The following CCDC7 variants were observed in gnomAD, a reference collection of about 807,000 sequenced individuals.
The protein encoded by CCDC7 is coiled-coil domain-containing protein 7.
CCDC7 carries 183 observed loss-of-function variants against 196.9 expected under a neutral mutation model. The ratio of observed to expected loss-of-function variants is 0.93; its 90% CI spans 0.82 to 1.05. CCDC7 has a LOEUF of 1.05. CCDC7 is among the 50% of genes least tolerant of loss of function. The pLI, the probability that CCDC7 is intolerant of heterozygous loss-of-function variation, is 0.00. For missense variants in CCDC7, 1,540 were observed against 1,482.2 expected (o/e 1.04, Z -0.64); for synonymous variants, 525 against 484.6 (o/e 1.08, Z -1.10).
At chr10:32,813,240 C>T (rs2087579429) in intron 30 of CCDC7, among the ~76,000 whole-genome samples, 1 of 152,168 alleles carries the variant, frequency 6.6e-6, no homozygotes, top group African/African-American at 2.4e-5. Context: ...GTCACCAATC[C>T]TCATTATCCC....
chr10:32,802,026 T>A (rs1045597236), intron 29 of CCDC7, among the ~76,000 whole-genome samples: 1 of 152,236 alleles, frequency 6.6e-6, no homozygotes, highest in Non-Finnish European at 1.5e-5. Flanking sequence ...AGGTTGTGCA[T>A]GCATCTTTTG....
chr10:32,526,255 C>A (rs983187161), intron 11 of CCDC7, among the ~76,000 whole-genome samples: 10 of 152,148 alleles, frequency 6.6e-5, no homozygotes, highest in Non-Finnish European at 1.5e-4. Flanking sequence ...AGCTCATGGT[C>A]TCTTCCTTCA....
Position 32,797,582 on chromosome 10 carries a change from G to GCTGAT in CCDC7, c.3014-7433_3014-7432insCTGAT, listed in dbSNP as rs201706546. Among the ~76,000 whole-genome samples, 49 of 151,990 alleles carry GCTGAT rather than the reference G, an allele frequency of 3.2e-4. No individual in the cohort carries two copies. In the East Asian group the frequency reaches 8.9e-3, roughly 28 times the overall value. On this transcript the variant is annotated intron_variant, in intron 29 of 41. Coordinates refer to ENST00000639629, the Ensembl canonical transcript of CCDC7. ...GTGCAGTGTATACTGCTCGTCTGAT[G>GCTGAT]GGCGCACCAAAATCTCACAAATCAC...
intron 18 of CCDC7, among the ~76,000 whole-genome samples, chr10:32,632,254 A>T (rs995931530): frequency 1.3e-5 from 2 of 151,932 alleles, no homozygotes; most frequent in East Asian, 3.9e-4. Context: ...ACCATTAAGT[A>T]TAATGCTAGC....
chr10:32,692,708 CAATT>C (rs1452049776), intron 23 of CCDC7, among the ~76,000 whole-genome samples: 1 of 152,186 alleles, frequency 6.6e-6, no homozygotes, highest in Non-Finnish European at 1.5e-5. Flanking sequence ...CTCAAAGTAA[CAATT>C]AACCTTATTC....
intron 30 of CCDC7, among the ~76,000 whole-genome samples, chr10:32,808,759 T>G (rs1565566350): frequency 1.3e-5 from 2 of 151,842 alleles, no homozygotes; most frequent in Non-Finnish European, 1.5e-5. Flanking sequence ...CACGGCAGCA[T>G]CCACTAGCAA....
At chr10:32,654,456 C>T (rs1369650721) in intron 20 of CCDC7, among the ~76,000 whole-genome samples, 1 of 151,840 alleles carries the variant, frequency 6.6e-6, no homozygotes, top group African/African-American at 2.4e-5. Context: ...CTCTTCTTTC[C>T]CAGGGTTTGT....
intron 7 of CCDC7, 52 bp downstream of exon 8, chr10:32,472,594 T>G: frequency 2.8e-6 from 4 of 1,416,018 alleles, no homozygotes; most frequent in Non-Finnish European, 3.7e-6. Context: ...AAAAATTTTG[T>G]TATTATTTTT....
At chr10:32,466,147 A>G (rs951699909) in intron 5 of CCDC7, among the ~76,000 whole-genome samples, 6 of 152,020 alleles carry the variant, frequency 3.9e-5, no homozygotes, top group South Asian at 2.1e-4. Context: ...AAGTTTTTCA[A>G]TGTTTAAACC....
intron 18 of CCDC7, among the ~76,000 whole-genome samples, chr10:32,593,841 C>G (rs1237177392): frequency 6.6e-6 from 1 of 152,110 alleles, no homozygotes. Flanking sequence ...TCAGGTTTGT[C>G]AAAGATCAGA....
At chr10:32,801,766 C>T (rs2084838003) in intron 29 of CCDC7, among the ~76,000 whole-genome samples, 1 of 152,268 alleles carries the variant, frequency 6.6e-6, no homozygotes, top group Non-Finnish European at 1.5e-5. Context: ...ACTGTTACCT[C>T]AGGCAGTGCA....
At chr10:32,798,553 T>C (rs978852908) in intron 29 of CCDC7, among the ~76,000 whole-genome samples, 1 of 152,214 alleles carries the variant, frequency 6.6e-6, no homozygotes, top group Non-Finnish European at 1.5e-5. Flanking sequence ...CTTCACAGTT[T>C]TTGACCATTC....
chr10:32,703,812 A>G (rs2079191439), intron 24 of CCDC7, among the ~76,000 whole-genome samples: 1 of 152,090 alleles, frequency 6.6e-6, no homozygotes, highest in African/African-American at 2.4e-5. Context: ...CGAATCAGCT[A>G]CTGAGGCTTG....
rs192977545 is a variant in CCDC7, at chr10:32,762,399, T to C, written c.2906-16578T>C. Among the ~76,000 whole-genome samples the C allele has an allele frequency of 2.6e-5, 4 of 151,686 alleles. No homozygotes were observed. The East Asian group carries it at 5.8e-4, about 22-fold the overall frequency. ...CTGCCTGATATATATATAATAAATA[T>C]ATATATACTACCCAGAGTCACATAG... is the stretch of plus-strand genomic sequence containing the variant. On this transcript the variant is annotated intron_variant, in intron 28 of 41. Transcript: ENST00000639629.
At chr10:32,727,022 A>T (rs2083229438) in intron 26 of CCDC7, among the ~76,000 whole-genome samples, 190 bp downstream of exon 27, 1 of 152,148 alleles carries the variant, frequency 6.6e-6, no homozygotes, top group Non-Finnish European at 1.5e-5. Flanking sequence ...TTCTGGTCAT[A>T]AGATTATTTC....
intron 18 of CCDC7, among the ~76,000 whole-genome samples, chr10:32,593,981 A>G (rs1188321240): frequency 1.3e-5 from 2 of 152,084 alleles, no homozygotes; most frequent in Admixed American, 6.6e-5. Context: ...GTCAGGTAGC[A>G]TGATGCCTCC....
chr10:32,601,377 T>C (rs1244536620), intron 18 of CCDC7, among the ~76,000 whole-genome samples: 1 of 152,216 alleles, frequency 6.6e-6, no homozygotes, highest in East Asian at 1.9e-4. Flanking sequence ...GGCCCTAAGT[T>C]ATGTTTTTCT....
rs567690488 is a variant in CCDC7 at position 32,638,656 on chromosome 10, A to C, written c.2014+3498A>C. Among the ~76,000 whole-genome samples the C allele has an allele frequency of 1.5e-3, 228 of 152,258 alleles. 2 individuals carry two copies. Among genetic ancestry groups the C allele is most frequent in the African/African-American group, 5.2e-3 (217 of 41,562 alleles). On this transcript the variant is annotated intron_variant, in intron 20 of 41. Transcript: ENST00000639629. ...CCAGTATTTTATTGAGGATTTTTGC[A>C]TTGATGTTCATCAAGGATATTGGTC...
chr10:32,541,959 A>G (rs1261721306), intron 11 of CCDC7, among the ~76,000 whole-genome samples: 1 of 152,098 alleles, frequency 6.6e-6, no homozygotes, highest in Non-Finnish European at 1.5e-5. Flanking sequence ...CTGGTGCCTC[A>G]CCTCACTCCT....
Sources: allele counts gnomAD v4.1 joint callset (sites outside exome capture counted in the v4.1 genomes callset), GRCh38; gene constraint gnomAD v4.1.1; transcripts MANE v1.5; gene names NCBI Gene and HGNC (gene_info 2026-07-23, HGNC 2026-07-21).